VTI1A: variants seen among roughly 807,000 people sequenced by gnomAD.
VTI1A encodes the protein vesicle transport through interaction with t-SNAREs 1A.
In VTI1A, 22 loss-of-function variants were observed where a neutral mutation model predicts 34.9. That is an observed-to-expected ratio of 0.63 (90% CI 0.45 to 0.90). The LOEUF is 0.90. VTI1A is among the 40% of genes least tolerant of loss of function. The pLI is 0.00. For synonymous variants in VTI1A, 87 were observed against 97.3 expected (o/e 0.89, Z 0.62); for missense variants, 268 against 275.6 (o/e 0.97, Z 0.20).
intron 3 of VTI1A, among the ~76,000 whole-genome samples, chr10:112,505,855 T>C (rs1849411712): frequency 6.6e-6 from 1 of 152,020 alleles, no homozygotes; most frequent in Non-Finnish European, 1.5e-5. Flanking sequence ...AATCACATAG[T>C]TTTTAATATT....
At chr10:112,467,751 T>C (rs1370486588) in intron 3 of VTI1A, among the ~76,000 whole-genome samples, 3 of 152,250 alleles carry the variant, frequency 2.0e-5, no homozygotes, top group Non-Finnish European at 4.4e-5. Flanking sequence ...GTGTGAAGAA[T>C]AGACAGAGCA....
chr10:112,645,897 G>T (rs1846760582), intron 5 of VTI1A, among the ~76,000 whole-genome samples: 2 of 145,840 alleles, frequency 1.4e-5, no homozygotes, highest in African/African-American at 2.5e-5. Flanking sequence ...AGCATGTATT[G>T]TATGCCAGGC....
At chr10:112,785,549 C>G (rs1227039421) in intron 7 of VTI1A, among the ~76,000 whole-genome samples, 1 of 152,010 alleles carries the variant, frequency 6.6e-6, no homozygotes, top group East Asian at 1.9e-4. Flanking sequence ...ATGGATCATG[C>G]TTGTAGTGGT....
At chr10:112,772,245 C>T (rs1851832915) in intron 7 of VTI1A, among the ~76,000 whole-genome samples, 1 of 152,178 alleles carries the variant, frequency 6.6e-6, no homozygotes, top group Non-Finnish European at 1.5e-5. Context: ...TCTAGCCATC[C>T]TAATGGATGA....
At chr10:112,566,252 A>G (rs540691824) in intron 5 of VTI1A, among the ~76,000 whole-genome samples, 26 of 152,258 alleles carry the variant, frequency 1.7e-4, no homozygotes, top group African/African-American at 5.8e-4. Context: ...TTCCATTCAT[A>G]TTGAGACTAG....
intron 7 of VTI1A, among the ~76,000 whole-genome samples, chr10:112,782,853 C>T (rs1451354450): frequency 6.6e-6 from 1 of 152,104 alleles, no homozygotes; most frequent in Non-Finnish European, 1.5e-5. Context: ...GCTAGGTGGC[C>T]CTGAAGGTCC....
At chr10:112,775,286 C>T (rs1401299419) in intron 7 of VTI1A, among the ~76,000 whole-genome samples, 1 of 152,124 alleles carries the variant, frequency 6.6e-6, no homozygotes, top group African/African-American at 2.4e-5. Context: ...TTCCAAGAGC[C>T]TCATCGATCT....
intron 7 of VTI1A, among the ~76,000 whole-genome samples, chr10:112,718,023 A>G (rs1849670925): frequency 6.6e-6 from 1 of 152,118 alleles, no homozygotes; most frequent in African/African-American, 2.4e-5. Flanking sequence ...CACACAAACC[A>G]CAAAACTCCT....
At chr10:112,537,226 T>C (rs1026250582) in intron 4 of VTI1A, among the ~76,000 whole-genome samples, 5 of 150,328 alleles carry the variant, frequency 3.3e-5, no homozygotes, top group African/African-American at 4.9e-5. Flanking sequence ...AGGGAAGATA[T>C]TAACGTATGC....
chr10:112,704,136 G>C (rs769690292), intron 7 of VTI1A, among the ~76,000 whole-genome samples: 1 of 152,124 alleles, frequency 6.6e-6, no homozygotes, highest in Non-Finnish European at 1.5e-5. Flanking sequence ...GCTGTGCCAT[G>C]TACTTGAGGT....
chr10:112,502,259 C>T (rs1484238524), intron 3 of VTI1A, among the ~76,000 whole-genome samples: 1 of 151,942 alleles, frequency 6.6e-6, no homozygotes, highest in Non-Finnish European at 1.5e-5. Flanking sequence ...TCTCCAACTC[C>T]TAAGCCCAGG....
chr10:112,845,272 C>T, the VTI1A span, among the ~76,000 whole-genome samples: 3 of 152,178 alleles, frequency 2.0e-5, no homozygotes, highest in Non-Finnish European at 2.9e-5. Context: ...TGGGGCAGGA[C>T]GGCCAGGCAG....
At chr10:112,527,228 G>A in intron 4 of VTI1A, 64 bp downstream of exon 4, 2 of 1,440,002 alleles carry the variant, frequency 1.4e-6, no homozygotes, top group South Asian at 1.2e-5. Context: ...CTGGCGCACT[G>A]GGCTCTCAAG....
intron 5 of VTI1A, among the ~76,000 whole-genome samples, chr10:112,664,077 G>A (rs1847558639): frequency 6.6e-6 from 1 of 152,122 alleles, no homozygotes; most frequent in African/African-American, 2.4e-5. Flanking sequence ...GTTCTTTAAA[G>A]ACCCAACTTG....
chr10:112,565,261 C>G (rs1851870961), intron 5 of VTI1A, among the ~76,000 whole-genome samples: 1 of 151,958 alleles, frequency 6.6e-6, no homozygotes, highest in Non-Finnish European at 1.5e-5. Flanking sequence ...CAGGGAAAAA[C>G]TATTTTAAAG....
At chr10:112,796,757 C>T (rs576325908) in intron 7 of VTI1A, among the ~76,000 whole-genome samples, 4 of 152,298 alleles carry the variant, frequency 2.6e-5, no homozygotes, top group Admixed American at 1.3e-4. Flanking sequence ...TACAGCCAAG[C>T]GTCTCCTGTC....
At chr10:112,842,792 C>G in the VTI1A span, among the ~76,000 whole-genome samples, 4 of 152,260 alleles carry the variant, frequency 2.6e-5, no homozygotes, top group East Asian at 7.7e-4. Context: ...ATCTTGCAAC[C>G]AAGTTCTGTT....
Position 112,601,397 on chromosome 10 carries a change from G to A in VTI1A, c.427+63067G>A, listed in dbSNP as rs185332833. 8.6e-5 allele frequency among the ~76,000 whole-genome samples: 13 copies of A among 150,510 alleles called. No individual in the cohort carries two copies. In the East Asian group the frequency reaches 1.9e-3, roughly 23 times the overall value. On this transcript the variant is annotated intron_variant, in intron 5 of 7. Transcript: ENST00000393077. ...TTTTGCTAATATTAAGAAGGTTCTCGGCTAAAATTCTGACTCATCAATTAT... is the reference window on the plus strand; with the variant it reads ...TTTTGCTAATATTAAGAAGGTTCTCAGCTAAAATTCTGACTCATCAATTAT...
Position 112,480,653 on chromosome 10 carries a change from G to C in VTI1A, c.264+15996G>C, listed in dbSNP as rs150304469. ...GATAAGGAGGAATTTGAGAGAAGCA[G>C]GGTGTAGTCAGGTTGAACAACATGA... On this transcript the variant is annotated intron_variant, in intron 3 of 7. Transcript: ENST00000393077. Among the ~76,000 whole-genome samples the C allele has an allele frequency of 6.5e-3, 994 of 152,266 alleles. 17 individuals carry two copies. Among genetic ancestry groups the C allele is most frequent in the African/African-American group, 0.023 (943 of 41,534 alleles).
Sources: gnomAD v4.1 joint callset for allele counts (sites outside exome capture counted in the v4.1 genomes callset) on GRCh38, gnomAD v4.1.1 for gene constraint, MANE v1.5 for transcripts, NCBI Gene and HGNC (gene_info 2026-07-23, HGNC 2026-07-21) for gene names.